Variants in NRXN3 observed in about 807,000 individuals in gnomAD.
The protein encoded by NRXN3 is neurexin III.
In NRXN3, 32 loss-of-function variants were observed where a neutral mutation model predicts 137.6. That is an observed-to-expected ratio of 0.23 (90% CI 0.18 to 0.31). The LOEUF is 0.31. NRXN3 is among the 10% of genes least tolerant of loss of function. The probability of loss-of-function intolerance (pLI) is 1.00; values close to 1 mark genes in which losing one functional copy is unlikely to be tolerated. For synonymous variants in NRXN3, 798 were observed against 784.5 expected (o/e 1.02, Z -0.29); for missense variants, 1,574 against 2,062.5 (o/e 0.76, Z 4.59).
chr14:79,692,039 A>G (rs2098718764), intron 17 of NRXN3, 134 bp from the exon 18 acceptor site: 4 of 627,134 alleles, frequency 6.4e-6, no homozygotes, highest in Non-Finnish European at 1.1e-5. Context: ...AGTGACTTCA[A>G]CTCCACCTCT....
At chr14:78,238,140 C>CT (rs1032677433) in intron 1 of NRXN3, among the ~76,000 whole-genome samples, 7 of 17,446 alleles carry the variant, frequency 4.0e-4, no homozygotes, top group African/African-American at 1.5e-3. Flanking sequence ...GTTGTGTGAG[C>CT]CCCCCCCACC....
chr14:79,058,690 A>G (rs1211219910), intron 15 of NRXN3, among the ~76,000 whole-genome samples: 3 of 152,076 alleles, frequency 2.0e-5, no homozygotes, highest in African/African-American at 7.2e-5. Context: ...TCTCATCTCA[A>G]ATTGAAATTC....
At chr14:78,406,255 C>G (rs2092476352) in intron 4 of NRXN3, among the ~76,000 whole-genome samples, 1 of 152,138 alleles carries the variant, frequency 6.6e-6, no homozygotes, top group Non-Finnish European at 1.5e-5. Flanking sequence ...TTGAGAAGAT[C>G]AATGTGACCA....
At chr14:79,013,803 A>G (rs557390784) in intron 15 of NRXN3, among the ~76,000 whole-genome samples, 1 of 152,304 alleles carries the variant, frequency 6.6e-6, no homozygotes, top group African/African-American at 2.4e-5. Context: ...TTTTACTGAT[A>G]TATTAGGCAA....
chr14:79,557,443 A>G (rs537601853), intron 16 of NRXN3, among the ~76,000 whole-genome samples: 1 of 152,258 alleles, frequency 6.6e-6, no homozygotes, highest in Non-Finnish European at 1.5e-5. Context: ...TCAAGTCAGT[A>G]TTCATATTAG....
intron 2 of NRXN3, among the ~76,000 whole-genome samples, chr14:78,268,634 T>C (rs2072213125): frequency 6.6e-6 from 1 of 152,138 alleles, no homozygotes; most frequent in Admixed American, 6.5e-5. Flanking sequence ...GAAAACGAGT[T>C]TGGAGTCAGA....
chr14:78,707,345 T>A (rs2098362318), intron 6 of NRXN3, among the ~76,000 whole-genome samples: 3 of 152,188 alleles, frequency 2.0e-5, no homozygotes, highest in Non-Finnish European at 4.4e-5. Flanking sequence ...CGCTCAATAC[T>A]CAGATCCTTG....
chr14:79,288,590 T>C (rs1032225546), intron 15 of NRXN3, among the ~76,000 whole-genome samples: 1 of 152,224 alleles, frequency 6.6e-6, no homozygotes, highest in Non-Finnish European at 1.5e-5. Context: ...TTGATTAACA[T>C]GGTGTTAAAG....
At chr14:79,624,799 T>TTTTG (rs1366065195) in intron 16 of NRXN3, among the ~76,000 whole-genome samples, 1 of 130,190 alleles carries the variant, frequency 7.7e-6, no homozygotes, top group African/African-American at 3.7e-5. Flanking sequence ...CCGTTTTTTT[T>TTTTG]TTTGTTTGTT....
At chr14:78,992,201 T>C (rs2153081384) in intron 15 of NRXN3, among the ~76,000 whole-genome samples, 1 of 152,328 alleles carries the variant, frequency 6.6e-6, no homozygotes, top group East Asian at 1.9e-4. Context: ...GTTTTGATTC[T>C]GCAATCTAAT....
At chr14:78,275,969 C>T (rs1313383576) in intron 2 of NRXN3, among the ~76,000 whole-genome samples, 1 of 152,172 alleles carries the variant, frequency 6.6e-6, no homozygotes, top group African/African-American at 2.4e-5. Flanking sequence ...AGAATTGAGT[C>T]CAGAGATTCA....
chr14:78,702,499 T>C (rs7159717), intron 6 of NRXN3, among the ~76,000 whole-genome samples: 26,918 of 132,182 alleles, frequency 0.2, 3,057 homozygotes, highest in African/African-American at 0.31. Context: ...GGCTGGAGTG[T>C]AGTGGTGCGA....
intron 4 of NRXN3, among the ~76,000 whole-genome samples, chr14:78,510,396 A>G (rs1410043987): frequency 6.6e-6 from 1 of 152,152 alleles, no homozygotes; most frequent in African/African-American, 2.4e-5. Flanking sequence ...TCTAATCTCA[A>G]GGAGTCCAGG....
rs1547520 is a variant in NRXN3 at position 79,181,030 on chromosome 14, A to G, written c.3262+192889A>G. On this transcript the variant is annotated intron_variant, in intron 15 of 20. Transcript: ENST00000335750. ...TAAGATAGTAACTAAATATGTATAG[A>G]TGTGTGTATATGTATGTGTCTGTGT... 6.0e-3 allele frequency among the ~76,000 whole-genome samples: 869 copies of G among 144,748 alleles called. 39 individuals are homozygous for G. The East Asian group carries it at 0.095, about 16-fold the overall frequency. 95.0% of individuals were successfully genotyped at this position (144,748 alleles called of 152,430 possible).
At chr14:78,471,330 ACACC>A (rs547436021) in intron 4 of NRXN3, among the ~76,000 whole-genome samples, 2,072 of 13,500 alleles carry the variant, frequency 0.15, 29 homozygotes, top group South Asian at 0.24. Flanking sequence ...ACACACACAC[ACACC>A]CCCAAGAAAT....
intron 10 of NRXN3, among the ~76,000 whole-genome samples, chr14:78,828,751 A>G (rs2098973819): frequency 6.6e-6 from 1 of 152,214 alleles, no homozygotes; most frequent in Non-Finnish European, 1.5e-5. Flanking sequence ...TTTTAGTTCT[A>G]GATGCTGGTA....
At chr14:78,635,906 T>C (rs1272059912) in intron 4 of NRXN3, among the ~76,000 whole-genome samples, 3 of 152,320 alleles carry the variant, frequency 2.0e-5, no homozygotes, top group Admixed American at 2.0e-4. Flanking sequence ...TAGGAAACAC[T>C]GTAGGCTAGA....
chr14:79,427,491 T>G (rs1239558285), intron 15 of NRXN3, among the ~76,000 whole-genome samples: 1 of 151,968 alleles, frequency 6.6e-6, no homozygotes, highest in Non-Finnish European at 1.5e-5. Flanking sequence ...TTGTTCTTCT[T>G]GAAAGATACA....
intron 4 of NRXN3, among the ~76,000 whole-genome samples, chr14:78,616,040 G>A (rs563005499): frequency 3.3e-5 from 5 of 152,078 alleles, no homozygotes; most frequent in East Asian, 1.9e-4. Context: ...AGTCCGTGCC[G>A]CCATCACTCA....
Sources: gnomAD v4.1 joint callset for allele counts (sites outside exome capture counted in the v4.1 genomes callset) on GRCh38, gnomAD v4.1.1 for gene constraint, MANE v1.5 for transcripts, NCBI Gene and HGNC (gene_info 2026-07-23, HGNC 2026-07-21) for gene names.